The following ITGB1BP1 variants were observed in gnomAD, a reference collection of about 807,000 sequenced individuals.
ITGB1BP1 encodes integrin beta-1-binding protein 1.
ITGB1BP1 carries 20 observed loss-of-function variants against 28.0 expected under a neutral mutation model. The observed-to-expected ratio is 0.71, with a 90% CI of 0.50 to 1.04. The LOEUF is 1.04. Among genes scored for constraint, ITGB1BP1 ranks in the 50% least tolerant of loss-of-function variants. ITGB1BP1 has a pLI of 0.00. For synonymous variants in ITGB1BP1, 103 were observed against 89.5 expected, an observed-to-expected ratio of 1.15 and a Z score of -0.85; for missense variants, 228 against 242.5, an observed-to-expected ratio of 0.94 and a Z score of 0.40.
intron 5 of ITGB1BP1, 125 bp from the exon 6 acceptor site, chr2:9,407,723 A>G: frequency 9.9e-7 from 1 of 1,007,950 alleles, no homozygotes; most frequent in Non-Finnish European, 1.5e-6. Flanking sequence ...ACCCCAAGGG[A>G]TGTCCTGTAT....
chr2:9,418,363 ATCAG>A (rs1327952528), intron 2 of ITGB1BP1, among the ~76,000 whole-genome samples: 1 of 152,232 alleles, frequency 6.6e-6, no homozygotes, highest in African/African-American at 2.4e-5. Context: ...AATTTTTTAA[ATCAG>A]TGCTTATTTC....
intron 4 of ITGB1BP1, among the ~76,000 whole-genome samples, chr2:9,411,333 G>A (rs1032150086): frequency 6.6e-6 from 1 of 152,156 alleles, no homozygotes; most frequent in Non-Finnish European, 1.5e-5. Flanking sequence ...GGTACGGTAA[G>A]GTTTTGCCAG....
At chr2:9,411,988 G>T in intron 4 of ITGB1BP1, 1 of 283,610 alleles carries the variant, frequency 3.5e-6, no homozygotes, top group Non-Finnish European at 6.5e-6. Flanking sequence ...ATTACAGTGA[G>T]CCGAGATTGC....
intron 1 of ITGB1BP1, chr2:9,422,601 C>T: frequency 1.0e-6 from 1 of 985,532 alleles, no homozygotes; most frequent in Non-Finnish European, 1.2e-6. Flanking sequence ...TGATCTCACT[C>T]TCCCAGCTGC....
At chr2:9,407,687 T>A (rs1677717300) in intron 5 of ITGB1BP1, 89 bp from the exon 6 acceptor site, 3 of 1,421,842 alleles carry the variant, frequency 2.1e-6, no homozygotes, top group Non-Finnish European at 2.9e-6. Context: ...GAGTGAGGCT[T>A]GAAACAGCAT....
intron 4 of ITGB1BP1, among the ~76,000 whole-genome samples, chr2:9,409,184 ACTT>A (rs1303101280): frequency 6.6e-6 from 1 of 152,230 alleles, no homozygotes; most frequent in African/African-American, 2.4e-5. Context: ...AATACCACCT[ACTT>A]CGTCTTCCCT....
Position 9,406,638 on chromosome 2 carries a change from G to A in ITGB1BP1, c.*196C>T. 1.7e-6 allele frequency: 1 copy of A among 575,754 alleles called. No homozygotes were observed. Among genetic ancestry groups the A allele is most frequent in the Non-Finnish European group, 3.1e-6 (1 of 322,184 alleles). The allele number at this position is 575,754 out of a possible 1,614,324, so 35.7% of individuals were successfully genotyped here. A position where few individuals can be genotyped will look rare whatever the true frequency, so the allele number is the denominator to read the frequency against. ...ATGAAGTTTTTTAGCCCAGAAAATA[G>A]ATGACTTCATTGAGAGTTAACTCAC... On this transcript the variant is annotated 3_prime_UTR_variant, in exon 7 of 7. Transcript: ENST00000355346.
chr2:9,407,947 C>A (rs1677768664), intron 5 of ITGB1BP1, 166 bp downstream of exon 5: 5 of 594,474 alleles, frequency 8.4e-6, no homozygotes, highest in Non-Finnish European at 1.5e-5. Flanking sequence ...GAAAAGGAAG[C>A]CCCTATTCAC....
At chr2:9,418,148 G>T (rs1379457273) in intron 2 of ITGB1BP1, among the ~76,000 whole-genome samples, 1 of 152,186 alleles carries the variant, frequency 6.6e-6, no homozygotes, top group Non-Finnish European at 1.5e-5. Flanking sequence ...TTTATTACTT[G>T]AGACAAAAGT....
Position 9,405,181 on chromosome 2 carries a change from G to A in ITGB1BP1, c.*1653C>T, listed in dbSNP as rs539441887. ...ATATTTTTCCAGTCTACAATTTGGT[G>A]CTATTGTGCAGTAACTAATAGTACT... On this transcript the variant is annotated 3_prime_UTR_variant, in exon 7 of 7. Transcript: ENST00000355346. The A allele has an allele frequency of 1.9e-4, 29 of 152,292 alleles. No individual in the cohort carries two copies. The highest frequency in any genetic ancestry group is 3.3e-4 in the Admixed American group (5 of 15,302). The allele number at this position is 152,292 out of a possible 1,614,324, so 9.4% of individuals were successfully genotyped here.
intron 6 of ITGB1BP1, 195 bp downstream of exon 6, chr2:9,407,254 A>G (rs1438718985): frequency 3.2e-6 from 2 of 629,592 alleles, no homozygotes; most frequent in Non-Finnish European, 2.8e-6. Flanking sequence ...GAGTGCTGCC[A>G]CTGGCCCTAA....
chr2:9,412,231 T>A lies in ITGB1BP1; in HGVS notation c.288+38A>T, dbSNP rs778826170. 1.9e-6 allele frequency: 3 copies of A among 1,582,312 alleles called. No individual in the cohort carries two copies. In the East Asian group the frequency reaches 6.7e-5, roughly 35 times the overall value. Reference sequence around the variant, plus strand: ...AAAGCCATGAGTTGGCTCCCCAGACTCTCATAACCAGAGAGTTACGGAATT... The same window carrying A: ...AAAGCCATGAGTTGGCTCCCCAGACACTCATAACCAGAGAGTTACGGAATT... On this transcript the variant is annotated intron_variant, in intron 4 of 6. Coordinates refer to ENST00000355346, the MANE Select transcript of ITGB1BP1 (RefSeq NM_004763.5).
upstream of ITGB1BP1, chr2:9,423,558 C>G (rs570115921): frequency 3.5e-6 from 4 of 1,133,672 alleles, no homozygotes; most frequent in South Asian, 3.5e-5. Flanking sequence ...GTCCTACCCC[C>G]GGTTCCAAGA....
At chr2:9,410,606 AT>A (rs1678239271) in intron 4 of ITGB1BP1, among the ~76,000 whole-genome samples, 1 of 152,074 alleles carries the variant, frequency 6.6e-6, no homozygotes, top group Non-Finnish European at 1.5e-5. Flanking sequence ...CACCCAGCTA[AT>A]TTTTGTATTT....
At chr2:9,409,766 T>C (rs1678056531) in intron 4 of ITGB1BP1, among the ~76,000 whole-genome samples, 1 of 152,066 alleles carries the variant, frequency 6.6e-6, no homozygotes, top group African/African-American at 2.4e-5. Context: ...GGACTTAATG[T>C]AGTTTGTTGG....
At chr2:9,423,301 C>G (rs1041212993) in intron 1 of ITGB1BP1, 72 bp downstream of exon 1, 4 of 1,221,914 alleles carry the variant, frequency 3.3e-6, no homozygotes, top group Non-Finnish European at 4.2e-6. Flanking sequence ...CCGTCCGCGC[C>G]GCTCTCGGGA....
At chr2:9,420,366 C>T (rs1446750528) in intron 1 of ITGB1BP1, 4 of 152,162 alleles carry the variant, frequency 2.6e-5, no homozygotes, top group Non-Finnish European at 4.4e-5. Flanking sequence ...GAGCACCTAC[C>T]AGGTGTCGGG....
chr2:9,415,082 TA>T lies in ITGB1BP1; in HGVS notation c.73-827del, dbSNP rs1187670705. ...AACATGGTGAAACCCCGTCTCTACT[TA>T]AAAAAAAAAATATGGCTGGGTGTGG... On this transcript the variant is annotated intron_variant, in intron 2 of 6. Transcript: ENST00000355346. This position sits in a 1 kb window ranked among gnomAD's most constrained non-coding sequence, Gnocchi z 4.1. Among the ~76,000 whole-genome samples, 42 of 135,408 alleles carry T rather than the reference TA, an allele frequency of 3.1e-4. No individual in the cohort carries two copies. Among genetic ancestry groups the T allele is most frequent in the Non-Finnish European group, 3.1e-4 (19 of 62,186 alleles). 88.8% of individuals were successfully genotyped at this position (135,408 alleles called of 152,430 possible).
chr2:9,411,504 G>A (rs932379896), intron 4 of ITGB1BP1, among the ~76,000 whole-genome samples: 1 of 151,396 alleles, frequency 6.6e-6, no homozygotes, highest in Admixed American at 6.6e-5. Flanking sequence ...GGTGGATCAG[G>A]TGAGGTCAGG....
Sources: gnomAD v4.1 joint callset for allele counts (sites outside exome capture counted in the v4.1 genomes callset) on GRCh38, gnomAD v4.1.1 for gene constraint, Gnocchi (gnomAD v3.1) non-coding constraint, MANE v1.5 for transcripts, NCBI Gene and HGNC (gene_info 2026-07-23, HGNC 2026-07-21) for gene names.